Variants in SLC8A1 observed in about 807,000 individuals in gnomAD.
The protein encoded by SLC8A1 is sodium/calcium exchanger 1.
SLC8A1 carries 18 observed loss-of-function variants against 68.3 expected under a neutral mutation model. That is an observed-to-expected ratio of 0.26 (90% CI 0.18 to 0.39). SLC8A1 has a LOEUF of 0.39. SLC8A1 is among the 10% of genes least tolerant of loss of function. The pLI, the probability that SLC8A1 is intolerant of heterozygous loss-of-function variation, is 1.00. For missense variants in SLC8A1, 985 were observed against 1,156.7 expected (o/e 0.85, Z 2.15); for synonymous variants, 475 against 415.5 (o/e 1.14, Z -1.74).
At chr2:40,324,810 T>G (rs1006411366) in intron 2 of SLC8A1, among the ~76,000 whole-genome samples, 1 of 152,180 alleles carries the variant, frequency 6.6e-6, no homozygotes, top group Non-Finnish European at 1.5e-5. Flanking sequence ...TTGGTTGAAC[T>G]AGAAATGTCG....
intron 2 of SLC8A1, among the ~76,000 whole-genome samples, chr2:40,297,518 A>C (rs150371681): frequency 5.7e-4 from 87 of 152,328 alleles, no homozygotes; most frequent in African/African-American, 2.0e-3. Flanking sequence ...GAAAAAATTT[A>C]AAATGCATTT....
intron 1 of SLC8A1, among the ~76,000 whole-genome samples, chr2:40,438,092 A>G (rs1175010079): frequency 6.6e-6 from 1 of 152,180 alleles, no homozygotes; most frequent in Non-Finnish European, 1.5e-5. Context: ...CGGACTGCTC[A>G]GACTGTGGTC....
intron 2 of SLC8A1, among the ~76,000 whole-genome samples, chr2:40,351,172 A>G (rs1040177694): frequency 2.6e-5 from 4 of 152,220 alleles, no homozygotes; most frequent in Non-Finnish European, 1.5e-5. Flanking sequence ...AGTTATTTAT[A>G]TTAAGAACCA....
intron 2 of SLC8A1, among the ~76,000 whole-genome samples, chr2:40,330,559 A>C (rs1395100900): frequency 2.0e-5 from 3 of 152,130 alleles, no homozygotes; most frequent in Admixed American, 6.6e-5. Context: ...CTGAATTTAC[A>C]CATCAGTCCA....
intron 2 of SLC8A1, among the ~76,000 whole-genome samples, chr2:40,378,748 A>T (rs1408329127): frequency 6.6e-6 from 1 of 152,106 alleles, no homozygotes; most frequent in Admixed American, 6.6e-5. Flanking sequence ...CAGGTATCAC[A>T]CACATGCTCC....
At chr2:40,251,747 C>T (rs1324936925) in intron 2 of SLC8A1, 3 of 152,138 alleles carry the variant, frequency 2.0e-5, no homozygotes, top group African/African-American at 7.2e-5. Flanking sequence ...TGATGGAGGC[C>T]ACCATTTAAT....
intron 4 of SLC8A1, among the ~76,000 whole-genome samples, chr2:40,168,340 A>G (rs1429450329): frequency 6.6e-6 from 1 of 152,130 alleles, no homozygotes; most frequent in African/African-American, 2.4e-5. Context: ...GGTGATGGTA[A>G]GGATAGATAG....
At chr2:40,177,222 G>C (rs576349732) in intron 3 of SLC8A1, among the ~76,000 whole-genome samples, 4 of 152,210 alleles carry the variant, frequency 2.6e-5, no homozygotes, top group Non-Finnish European at 4.4e-5. Context: ...ACTCTTTAAG[G>C]ATCTTTGTTC....
At chr2:40,503,661 AG>A (rs1350810996) in intron 1 of SLC8A1, among the ~76,000 whole-genome samples, 2 of 152,064 alleles carry the variant, frequency 1.3e-5, no homozygotes, top group Non-Finnish European at 2.9e-5. Flanking sequence ...ATATGCCAAC[AG>A]TGAAACAATA....
intron 1 of SLC8A1, among the ~76,000 whole-genome samples, chr2:40,504,703 T>C (rs994490645): frequency 2.0e-5 from 3 of 151,980 alleles, no homozygotes; most frequent in African/African-American, 7.2e-5. Flanking sequence ...AACAAGCATA[T>C]GAAAATGTGC....
At chr2:40,252,216 C>T (rs1159298034) in intron 2 of SLC8A1, among the ~76,000 whole-genome samples, 5 of 152,176 alleles carry the variant, frequency 3.3e-5, no homozygotes, top group East Asian at 1.9e-4. Context: ...TGTTGGACTT[C>T]GCGGTTTATT....
At chr2:40,196,499 T>C (rs143209277) in intron 2 of SLC8A1, among the ~76,000 whole-genome samples, 22 of 152,074 alleles carry the variant, frequency 1.4e-4, no homozygotes, top group African/African-American at 4.6e-4. Flanking sequence ...TGTGAAGCTT[T>C]AGAAACGAAG....
intron 2 of SLC8A1, among the ~76,000 whole-genome samples, chr2:40,316,286 G>A (rs866929175): frequency 5.5e-4 from 83 of 152,114 alleles, no homozygotes; most frequent in Middle Eastern, 6.8e-3. Flanking sequence ...TTGCAACTTG[G>A]ATGTTGAAAA....
chr2:40,354,850 G>C lies in SLC8A1; in HGVS notation c.1808+73623C>G, dbSNP rs115712305. On this transcript the variant is annotated intron_variant, in intron 2 of 7. Coordinates refer to ENST00000406785, the Ensembl canonical transcript of SLC8A1. ...TGGCAGTGTTTATTTTTTTACAAAT[G>C]TGTAATAATAAGGATCTTGACAATG... 8.2e-3 allele frequency among the ~76,000 whole-genome samples: 1,244 copies of C among 152,210 alleles called. 4 individuals carry two copies. Among genetic ancestry groups the C allele is most frequent in the Middle Eastern group, 0.017 (5 of 294 alleles).
intron 2 of SLC8A1, among the ~76,000 whole-genome samples, chr2:40,377,696 G>A (rs991486177): frequency 1.3e-5 from 2 of 151,932 alleles, no homozygotes; most frequent in Non-Finnish European, 2.9e-5. Flanking sequence ...CTCTAGATAC[G>A]ACATCACCGA....
At chr2:40,357,989 G>A (rs1292129949) in intron 2 of SLC8A1, among the ~76,000 whole-genome samples, 1 of 142,450 alleles carries the variant, frequency 7.0e-6, no homozygotes, top group African/African-American at 2.6e-5. Flanking sequence ...GGGATAAAGG[G>A]AAATCCATCA....
chr2:40,285,891 A>G (rs140216810), intron 2 of SLC8A1, among the ~76,000 whole-genome samples: 2 of 152,192 alleles, frequency 1.3e-5, no homozygotes, highest in African/African-American at 4.8e-5. Context: ...GTTTAATAAC[A>G]GAGTATTTTG....
At chr2:40,379,716 T>C (rs1270553692) in intron 2 of SLC8A1, among the ~76,000 whole-genome samples, 1 of 152,038 alleles carries the variant, frequency 6.6e-6, no homozygotes, top group Non-Finnish European at 1.5e-5. Flanking sequence ...TGTGCCTTTA[T>C]GTCAGCACTG....
chr2:40,172,260 G>T (rs931271037), intron 4 of SLC8A1, among the ~76,000 whole-genome samples: 3 of 152,188 alleles, frequency 2.0e-5, no homozygotes, highest in Non-Finnish European at 4.4e-5. Flanking sequence ...GGAAAAGAAG[G>T]GTCATGTAAA....
Sources: gnomAD v4.1 joint callset for allele counts (sites outside exome capture counted in the v4.1 genomes callset) on GRCh38, gnomAD v4.1.1 for gene constraint, MANE v1.5 for transcripts, NCBI Gene and HGNC (gene_info 2026-07-23, HGNC 2026-07-21) for gene names.